CATSPERT: variants seen among roughly 807,000 people sequenced by gnomAD.
The protein encoded by CATSPERT is cation channel sperm-associated targeting subunit tau.
At chr2:201,497,606 A>C in the CATSPERT span, among the ~76,000 whole-genome samples, 2 of 152,246 alleles carry the variant, frequency 1.3e-5, no homozygotes. Flanking sequence ...TTGTTTTCAC[A>C]CGAAAGTAGC....
At chr2:201,515,226 T>TAG in the CATSPERT span, among the ~76,000 whole-genome samples, 687 of 67,988 alleles carry the variant, frequency 0.01, 114 homozygotes, top group East Asian at 0.053. Context: ...TTTTTTTTTT[T>TAG]TTTTTTTTTT....
chr2:201,604,710 T>A, the CATSPERT span: 1 of 1,558,764 alleles, frequency 6.4e-7, no homozygotes, highest in Non-Finnish European at 8.7e-7. Flanking sequence ...ACAATGTAAA[T>A]AAATTAAGAT....
At chr2:201,581,514 ATATATATAT>A in the CATSPERT span, among the ~76,000 whole-genome samples, 9 of 72,954 alleles carry the variant, frequency 1.2e-4, no homozygotes, top group Admixed American at 3.0e-4. Flanking sequence ...ATATATATAT[ATATATATAT>A]AAAATATTCT....
At chr2:201,595,571 GC>G in the CATSPERT span, among the ~76,000 whole-genome samples, 4 of 152,166 alleles carry the variant, frequency 2.6e-5, no homozygotes, top group Non-Finnish European at 5.9e-5. Flanking sequence ...GTCTGCCCCT[GC>G]TGGGGAGTGC....
the CATSPERT span, among the ~76,000 whole-genome samples, chr2:201,573,236 T>C: frequency 1.3e-5 from 2 of 152,324 alleles, no homozygotes; most frequent in Admixed American, 1.3e-4. Context: ...AGTTAGTACA[T>C]AAAAGTATTT....
chr2:201,603,393 A>C, the CATSPERT span: 10 of 770,882 alleles, frequency 1.3e-5, no homozygotes, highest in African/African-American at 1.8e-5. Context: ...GGTTTTTCTC[A>C]TTTGAAATAT....
chr2:201,601,870 A>G, the CATSPERT span: 15 of 1,599,116 alleles, frequency 9.4e-6, no homozygotes, highest in Non-Finnish European at 1.3e-5. Flanking sequence ...AAATTAGCAT[A>G]ATGTTGTAAA....
the CATSPERT span, among the ~76,000 whole-genome samples, chr2:201,593,543 C>T: frequency 1.6e-4 from 1 of 6,234 alleles, no homozygotes; most frequent in Non-Finnish European, 1.7e-3. Flanking sequence ...TCCTTGTTGA[C>T]CTTCTGTCTC....
chr2:201,587,035 T>C, the CATSPERT span, among the ~76,000 whole-genome samples: 1 of 152,088 alleles, frequency 6.6e-6, no homozygotes, highest in East Asian at 1.9e-4. Flanking sequence ...CTTTTAGTGG[T>C]TGCTGTAGGG....
the CATSPERT span, among the ~76,000 whole-genome samples, chr2:201,501,761 A>C: frequency 6.6e-6 from 1 of 152,240 alleles, no homozygotes; most frequent in South Asian, 2.1e-4. Flanking sequence ...AATACTATGA[A>C]CATTTGTACA....
the CATSPERT span, among the ~76,000 whole-genome samples, chr2:201,614,607 G>T: frequency 2.0e-5 from 3 of 152,188 alleles, 1 homozygote; most frequent in South Asian, 6.2e-4. Flanking sequence ...GCAAAAACAT[G>T]CCAAATTGTA....
At chr2:201,487,862 G>C in the CATSPERT span, 1 of 1,613,458 alleles carries the variant, frequency 6.2e-7, no homozygotes, top group Non-Finnish European at 8.5e-7. Context: ...GTGTGTAAAT[G>C]AGGTCATGTC....
the CATSPERT span, among the ~76,000 whole-genome samples, chr2:201,524,804 C>T: frequency 1.3e-5 from 2 of 152,286 alleles, no homozygotes; most frequent in South Asian, 2.1e-4. Context: ...CAAAAGAGAA[C>T]AGCAGTTGCT....
At chr2:201,574,799 G>A in the CATSPERT span, among the ~76,000 whole-genome samples, 2 of 152,108 alleles carry the variant, frequency 1.3e-5, no homozygotes, top group South Asian at 4.2e-4. Flanking sequence ...TTTGGCCACT[G>A]GCAGCAAAAG....
At chr2:201,567,789 C>T in the CATSPERT span, among the ~76,000 whole-genome samples, 9 of 152,216 alleles carry the variant, frequency 5.9e-5, 1 homozygote, top group Admixed American at 2.0e-4. Context: ...ATCATAAACA[C>T]CCTCCTCTCA....
the CATSPERT span, chr2:201,536,109 C>G: frequency 6.2e-7 from 1 of 1,613,258 alleles, no homozygotes; most frequent in Non-Finnish European, 8.5e-7. Context: ...TTTCATTTTT[C>G]TGTCTGGCAT....
the CATSPERT span, among the ~76,000 whole-genome samples, chr2:201,567,384 A>C: frequency 7.9e-4 from 120 of 152,350 alleles, no homozygotes; most frequent in Non-Finnish European, 1.3e-3. Context: ...AATAGGATGT[A>C]TATATACATA....
At chr2:201,547,188 G>A in the CATSPERT span, among the ~76,000 whole-genome samples, 5 of 152,096 alleles carry the variant, frequency 3.3e-5, no homozygotes, top group African/African-American at 1.2e-4. Context: ...TGATAAAAAC[G>A]TTCTAAAATT....
chr2:201,579,920 T>G, the CATSPERT span, among the ~76,000 whole-genome samples: 1 of 150,876 alleles, frequency 6.6e-6, no homozygotes, highest in Non-Finnish European at 1.5e-5. Flanking sequence ...AGCACGATCA[T>G]AGCTCACTGC....
Sources: gnomAD v4.1 joint callset for allele counts (sites outside exome capture counted in the v4.1 genomes callset) on GRCh38, gnomAD v4.1.1 for gene constraint, MANE v1.5 for transcripts, NCBI Gene and HGNC (gene_info 2026-07-23, HGNC 2026-07-21) for gene names.